The following IL13RA1 variants were observed in gnomAD, a reference collection of about 807,000 sequenced individuals.
The protein encoded by IL13RA1 is interleukin-13 receptor subunit alpha-1.
Under a neutral mutation model 33.8 loss-of-function variants are expected in IL13RA1, and 14 were observed. The ratio of observed to expected loss-of-function variants is 0.41; its 90% CI spans 0.27 to 0.65. The LOEUF is 0.65. IL13RA1 is among the 30% of genes least tolerant of loss of function. IL13RA1 has a pLI of 0.28. For missense variants in IL13RA1, 313 were observed against 327.0 expected, an observed-to-expected ratio of 0.96 and a Z score of 0.33; for synonymous variants, 116 against 115.7, an observed-to-expected ratio of 1.00 and a Z score of -0.02.
At chrX:118,763,902 C>G (rs2017617509) in intron 6 of IL13RA1, among the ~76,000 whole-genome samples, 1 of 110,894 alleles carries the variant, frequency 9.0e-6, no homozygotes, top group Non-Finnish European at 1.9e-5. Context: ...GAACTATTTT[C>G]TATTTGGAAT....
intron 5 of IL13RA1, among the ~76,000 whole-genome samples, chrX:118,759,834 G>A (rs770313448): frequency 5.3e-4 from 59 of 111,180 alleles, no homozygotes; most frequent in Non-Finnish European, 9.8e-4. Flanking sequence ...ATGCAGTGGC[G>A]TGATCACAGC....
intron 9 of IL13RA1, 46 bp from the exon 10 acceptor site, chrX:118,776,381 C>T (rs751360225): frequency 8.5e-6 from 5 of 585,467 alleles, no homozygotes; most frequent in South Asian, 4.8e-5. Context: ...GTGGGACACT[C>T]CTATGGACTG....
intron 1 of IL13RA1, among the ~76,000 whole-genome samples, chrX:118,730,703 C>T (rs1371353204): frequency 9.0e-6 from 1 of 111,695 alleles, no homozygotes; most frequent in Non-Finnish European, 1.9e-5. Context: ...GGTAGGGGAG[C>T]CCCTGGAGTG....
chrX:118,782,720 C>T (rs924152584), intron 10 of IL13RA1, among the ~76,000 whole-genome samples: 5 of 109,967 alleles, frequency 4.5e-5, no homozygotes, highest in African/African-American at 1.7e-4. Context: ...ATCTCAGCCT[C>T]CCAAGTAGCT....
chrX:118,779,377 T>C (rs1184222926), intron 10 of IL13RA1, among the ~76,000 whole-genome samples: 5 of 111,763 alleles, frequency 4.5e-5, no homozygotes, highest in African/African-American at 1.6e-4. Flanking sequence ...AGAATTAGTT[T>C]AAAAAAATAT....
intron 10 of IL13RA1, among the ~76,000 whole-genome samples, chrX:118,784,090 A>ATATAT (rs1200223891): frequency 4.7e-5 from 3 of 63,955 alleles, no homozygotes; most frequent in South Asian, 8.3e-4. Flanking sequence ...AAAAAAAAAA[A>ATATAT]ATATATATAT....
intron 1 of IL13RA1, among the ~76,000 whole-genome samples, chrX:118,734,513 G>A (rs1245680644): frequency 8.9e-6 from 1 of 112,026 alleles, no homozygotes; most frequent in East Asian, 2.8e-4. Context: ...AGTTTGTTGA[G>A]TGTTTTTATC....
At chrX:118,753,903 G>A (rs2017497524) in intron 4 of IL13RA1, among the ~76,000 whole-genome samples, 1 of 112,721 alleles carries the variant, frequency 8.9e-6, no homozygotes, top group Non-Finnish European at 1.9e-5. Context: ...CAGTATAGGA[G>A]CCACTGGCTA....
chrX:118,761,482 C>G (rs1199703910), intron 6 of IL13RA1, 193 bp downstream of exon 6: 2 of 303,619 alleles, frequency 6.6e-6, no homozygotes, highest in Non-Finnish European at 1.1e-5. Flanking sequence ...CTGCAAGTTT[C>G]AAGCCATTTA....
rs374355039 is a variant in IL13RA1 at position 118,780,406 on chromosome X, A to G, written c.1191+3895A>G. On this transcript the variant is annotated intron_variant, in intron 10 of 10. Coordinates refer to ENST00000371666, the MANE Select transcript of IL13RA1 (RefSeq NM_001560.3). ...ATGGGGACATGAGGAGCCACAGAGAAGTTTCTCAAGGACTGTCACTGTGTT... is the reference window on the plus strand; with the variant it reads ...ATGGGGACATGAGGAGCCACAGAGAGGTTTCTCAAGGACTGTCACTGTGTT... 1.2e-4 allele frequency among the ~76,000 whole-genome samples: 13 copies of G among 112,819 alleles called. No individual in the cohort carries two copies. The East Asian group carries it at 3.3e-3, about 29-fold the overall frequency.
chrX:118,773,916 A>T lies in IL13RA1; in HGVS notation c.1047A>T (p.Leu349Phe). The T allele has an allele frequency of 9.2e-7, 1 of 1,089,788 alleles. No individual in the cohort carries two copies. The highest frequency in any genetic ancestry group is 3.0e-5 in the East Asian group (1 of 33,201). 89.8% of individuals were successfully genotyped at this position (1,089,788 alleles called of 1,213,427 possible). A position where few individuals can be genotyped will look rare whatever the true frequency, so the allele number is the denominator to read the frequency against. Residue 349 changes from leucine (L) to phenylalanine (F), a missense_variant, in exon 9 of 11, where the codon TTA (leucine) becomes TTT (phenylalanine). Leu to Phe is a conservative substitution (Grantham distance 22). Transcript: ENST00000371666. Reference sequence around the variant, plus strand: ...ATTCCACACTCTACATAACCATGTTACTCATTGTTCCAGTCATCGTCGCAG... The same window carrying T: ...ATTCCACACTCTACATAACCATGTTTCTCATTGTTCCAGTCATCGTCGCAG... ...KRNSTLYITM[L>F]LIVPVIVAGA...
intron 10 of IL13RA1, among the ~76,000 whole-genome samples, chrX:118,782,059 T>C (rs1322436225): frequency 9.0e-6 from 1 of 111,731 alleles, no homozygotes; most frequent in Non-Finnish European, 1.9e-5. Context: ...TTTCTATCAT[T>C]TCTACATTTA....
the IL13RA1 span, among the ~76,000 whole-genome samples, chrX:118,800,553 AAGGGAC>A: frequency 9.0e-6 from 1 of 110,810 alleles, no homozygotes; most frequent in African/African-American, 3.3e-5. Context: ...TGAACATCAG[AAGGGAC>A]AGACTCCAGA....
chrX:118,783,755 T>TACACACACACAC (rs142945515), intron 10 of IL13RA1, among the ~76,000 whole-genome samples: 4,640 of 100,868 alleles, frequency 0.046, 157 homozygotes, highest in African/African-American at 0.11. Context: ...AAATCCATAT[T>TACACACACACAC]ACACACACAC....
chrX:118,749,325 A>G (rs1022028464), intron 3 of IL13RA1, among the ~76,000 whole-genome samples: 1 of 112,658 alleles, frequency 8.9e-6, no homozygotes, highest in African/African-American at 3.2e-5. Flanking sequence ...TTGTATATCC[A>G]CATTCATTTA....
intron 1 of IL13RA1, among the ~76,000 whole-genome samples, chrX:118,739,034 C>T (rs1173102634): frequency 9.0e-6 from 1 of 111,154 alleles, no homozygotes; most frequent in Non-Finnish European, 1.9e-5. Flanking sequence ...GTGATCCAAC[C>T]GCCTCAGCCT....
intron 3 of IL13RA1, 131 bp downstream of exon 3, chrX:118,747,223 C>CTA: frequency 2.4e-6 from 1 of 413,652 alleles, no homozygotes; most frequent in African/African-American, 2.5e-5. Context: ...AGGCATTGTA[C>CTA]TAGGTGCTAG....
chrX:118,760,545 A>G (rs760567388), intron 5 of IL13RA1, among the ~76,000 whole-genome samples: 2 of 112,080 alleles, frequency 1.8e-5, no homozygotes, highest in Admixed American at 9.5e-5. Flanking sequence ...GCCATTTTCT[A>G]ACCAGATGCA....
In IL13RA1 at chrX:118,773,937, C is replaced by T. The variant is rs762528987; in HGVS notation, c.1068C>T (p.Val356=). 82 of 1,088,874 alleles carry T rather than the reference C, an allele frequency of 7.5e-5. No individual in the cohort carries two copies. The highest frequency in any genetic ancestry group is 9.4e-5 in the Non-Finnish European group (74 of 785,658). 89.7% of individuals were successfully genotyped at this position (1,088,874 alleles called of 1,213,427 possible). Residue 356 remains valine (V), a synonymous_variant, in exon 9 of 11, where the codon GTC becomes GTT. Transcript: ENST00000371666. The part of the protein sequence containing the change: ...ITMLLIVPVI[V]AGAIIVLLLY... Reference sequence around the variant, plus strand: ...TGTTACTCATTGTTCCAGTCATCGTCGCAGGTGCAATCATAGTACTCCTGC... The same window carrying T: ...TGTTACTCATTGTTCCAGTCATCGTTGCAGGTGCAATCATAGTACTCCTGC...
Sources: allele counts gnomAD v4.1 joint callset (sites outside exome capture counted in the v4.1 genomes callset), GRCh38; gene constraint gnomAD v4.1.1; transcripts MANE v1.5; gene names NCBI Gene and HGNC (gene_info 2026-07-23, HGNC 2026-07-21).